PRKAA1: variants seen among roughly 807,000 people sequenced by gnomAD.
PRKAA1 encodes 5'-AMP-activated protein kinase catalytic subunit alpha-1.
A neutral mutation model predicts 56.9 loss-of-function variants in PRKAA1; 23 were observed. The ratio of observed to expected loss-of-function variants is 0.40; its 90% CI spans 0.29 to 0.57. The LOEUF (loss-of-function observed/expected upper bound fraction) is 0.57. Ranked by LOEUF, PRKAA1 falls within the 20% of genes least tolerant of loss-of-function variation. PRKAA1 has a pLI of 0.39. For synonymous variants in PRKAA1, 226 were observed against 227.0 expected (o/e 1.00, Z 0.04); for missense variants, 413 against 679.7 (o/e 0.61, Z 4.36).
At chr5:40,797,151 A>AT (rs780337030) in intron 1 of PRKAA1, among the ~76,000 whole-genome samples, 1 of 152,196 alleles carries the variant, frequency 6.6e-6, no homozygotes, top group African/African-American at 2.4e-5. Context: ...GATGAACTGC[A>AT]TAGTGGTGAA....
At position 40,788,596 on chromosome 5, in the gene PRKAA1, G is replaced by A. The variant is rs945116835; in HGVS notation, c.127+9467C>T. Among the ~76,000 whole-genome samples, 18 of 152,100 alleles carry A rather than the reference G, an allele frequency of 1.2e-4. No individual in the cohort carries two copies. The East Asian group carries it at 1.9e-3, about 16-fold the overall frequency. On this transcript the variant is annotated intron_variant, in intron 1 of 8. Coordinates refer to ENST00000397128, the MANE Select transcript of PRKAA1 (RefSeq NM_006251.6). ...CGTAATCCCAACACTTTGGCAGGCC[G>A]AGGCAGGCGGATCACAAGGTCAGGA...
chr5:40,787,746 C>T lies in PRKAA1; in HGVS notation c.128-10160G>A, dbSNP rs376406894. On this transcript the variant is annotated intron_variant, in intron 1 of 8. Coordinates refer to ENST00000397128, the MANE Select transcript of PRKAA1 (RefSeq NM_006251.6). ...AAAGTGGACCACTACAGAAAGCAAT[C>T]GAGCCACAAAGGGGGAAAGTAATAG... Among the ~76,000 whole-genome samples the T allele has an allele frequency of 5.3e-5, 8 of 151,074 alleles. No individual in the cohort carries two copies. In the East Asian group the frequency reaches 9.7e-4, roughly 18 times the overall value.
intron 1 of PRKAA1, among the ~76,000 whole-genome samples, chr5:40,797,184 T>C (rs931030774): frequency 6.6e-6 from 1 of 152,202 alleles, no homozygotes; most frequent in Non-Finnish European, 1.5e-5. Flanking sequence ...AGTGTACCCG[T>C]CACCCGAATG....
At chr5:40,764,294 A>T (rs1294797183) in intron 8 of PRKAA1, 2 of 421,842 alleles carry the variant, frequency 4.7e-6, no homozygotes, top group Non-Finnish European at 8.3e-6. Flanking sequence ...GGCTTTAAGG[A>T]TTTTACAAGA....
intron 3 of PRKAA1, chr5:40,775,071 C>A: frequency 2.2e-6 from 2 of 908,188 alleles, no homozygotes; most frequent in South Asian, 1.6e-5. Context: ...CGATTAATTA[C>A]ATTAAGATAC....
chr5:40,773,548 G>A (rs1743848688), intron 3 of PRKAA1, among the ~76,000 whole-genome samples: 1 of 152,032 alleles, frequency 6.6e-6, no homozygotes, highest in Non-Finnish European at 1.5e-5. Flanking sequence ...GGCATATAAA[G>A]ACAAAAAGAA....
At chr5:40,775,349 T>C (rs957340968) in intron 3 of PRKAA1, 61 bp downstream of exon 3, 1 of 1,311,128 alleles carries the variant, frequency 7.6e-7, no homozygotes, top group Non-Finnish European at 1.1e-6. Flanking sequence ...GACATTTTGA[T>C]GCTAGTAAAG....
chr5:40,797,340 T>A (rs1180837537), intron 1 of PRKAA1, among the ~76,000 whole-genome samples: 1 of 152,206 alleles, frequency 6.6e-6, no homozygotes, highest in African/African-American at 2.4e-5. Flanking sequence ...GGAGGCAACA[T>A]CTGAACTAAC....
intron 1 of PRKAA1, among the ~76,000 whole-genome samples, chr5:40,789,295 C>T (rs923032663): frequency 2.0e-5 from 3 of 152,028 alleles, no homozygotes; most frequent in Non-Finnish European, 4.4e-5. Context: ...AAGAGAAATG[C>T]AAATTAAAGC....
Position 40,765,257 on chromosome 5 carries a change from G to T in PRKAA1, c.822-19C>A. ...ATGTTCCCTGAGAGAAAAATGGCAG[G>T]ATCAGGAGAAGGACTTTGAATAGAG... is the stretch of plus-strand genomic sequence containing the variant. On this transcript the variant is annotated intron_variant, in intron 6 of 8. Coordinates refer to ENST00000397128, the MANE Select transcript of PRKAA1 (RefSeq NM_006251.6). 1 of 1,592,254 alleles carries T rather than the reference G, an allele frequency of 6.3e-7. No homozygotes were observed. The highest frequency in any genetic ancestry group is 1.2e-5 in the South Asian group (1 of 86,822).
rs112985737 is a variant in PRKAA1 at position 40,792,364 on chromosome 5, C to T, written c.127+5699G>A. The stretch of plus-strand genomic sequence containing the variant: ...ACTATTACTATTAGAAAGGTTACTT[C>T]GAAAGTTTTGTATTAATATTTACAA... On this transcript the variant is annotated intron_variant, in intron 1 of 8. Transcript: ENST00000397128. 9.9e-5 allele frequency among the ~76,000 whole-genome samples: 15 copies of T among 152,198 alleles called. No homozygotes were observed. The South Asian group carries it at 3.1e-3, about 32-fold the overall frequency.
intron 1 of PRKAA1, among the ~76,000 whole-genome samples, chr5:40,790,525 C>CT (rs1554033592): frequency 1.2e-3 from 138 of 112,060 alleles, no homozygotes; most frequent in African/African-American, 4.0e-3. Context: ...TCAACTCTTT[C>CT]TTTTTTTTTT....
intron 1 of PRKAA1, among the ~76,000 whole-genome samples, chr5:40,786,012 T>C (rs1481857527): frequency 2.0e-5 from 3 of 152,104 alleles, no homozygotes; most frequent in Non-Finnish European, 2.9e-5. Flanking sequence ...CCCAGCACTT[T>C]GGGAGGCCGA....
intron 1 of PRKAA1, among the ~76,000 whole-genome samples, chr5:40,792,855 G>C (rs1438385342): frequency 1.3e-5 from 2 of 151,998 alleles, no homozygotes; most frequent in Non-Finnish European, 2.9e-5. Flanking sequence ...CTGAGGTCAG[G>C]AGTTCGAGAC....
At chr5:40,773,918 A>G (rs941561455) in intron 3 of PRKAA1, among the ~76,000 whole-genome samples, 1 of 152,250 alleles carries the variant, frequency 6.6e-6, no homozygotes, top group African/African-American at 2.4e-5. Flanking sequence ...GGGCTAAGAC[A>G]AAGTCAACAT....
In PRKAA1 at chr5:40,787,441, G is replaced by A. The variant is rs369469729; in HGVS notation, c.128-9855C>T. 5.5e-3 allele frequency among the ~76,000 whole-genome samples: 826 copies of A among 150,750 alleles called. 11 individuals carry two copies. Among genetic ancestry groups the A allele is most frequent in the South Asian group, 0.037 (176 of 4,742 alleles). On this transcript the variant is annotated intron_variant, in intron 1 of 8. Transcript: ENST00000397128. Reference sequence around the variant, plus strand: ...GATCACGCCACTGCACTCCAGTCCCGGCAACAAGAGTGAAACTCCATCTCA... The same window carrying A: ...GATCACGCCACTGCACTCCAGTCCCAGCAACAAGAGTGAAACTCCATCTCA...
chr5:40,797,967 A>C, intron 1 of PRKAA1, 96 bp downstream of exon 1: 1 of 1,519,078 alleles, frequency 6.6e-7, no homozygotes, highest in Non-Finnish European at 8.9e-7. Context: ...CCTGGAAAGA[A>C]GGGACGCAGC....
At chr5:40,769,532 A>T in intron 4 of PRKAA1, 29 bp from the exon 5 acceptor site, 2 of 1,505,972 alleles carry the variant, frequency 1.3e-6, no homozygotes, top group Non-Finnish European at 1.8e-6. Flanking sequence ...AGCTACTCAA[A>T]AGATTTCCCA....
intron 1 of PRKAA1, among the ~76,000 whole-genome samples, chr5:40,797,070 G>A (rs1289059981): frequency 6.6e-6 from 1 of 152,126 alleles, no homozygotes; most frequent in East Asian, 1.9e-4. Flanking sequence ...CCAGAATAGT[G>A]TTTTGAAAGA....
Sources: allele counts gnomAD v4.1 joint callset (sites outside exome capture counted in the v4.1 genomes callset), GRCh38; gene constraint gnomAD v4.1.1; transcripts MANE v1.5; gene names NCBI Gene and HGNC (gene_info 2026-07-23, HGNC 2026-07-21).